DNAH11: variants seen among roughly 807,000 people sequenced by gnomAD.
The protein encoded by DNAH11 is dynein axonemal heavy chain 11.
In DNAH11, 442 loss-of-function variants were observed where a neutral mutation model predicts 526.0. That is an observed-to-expected ratio of 0.84 (90% CI 0.78 to 0.91). The LOEUF is 0.91. DNAH11 is among the 40% of genes least tolerant of loss of function. The pLI is 0.00. For synonymous variants in DNAH11, 2,461 were observed against 1,935.9 expected, an observed-to-expected ratio of 1.27 and a Z score of -7.12; for missense variants, 6,989 against 5,448.7, an observed-to-expected ratio of 1.28 and a Z score of -8.90.
chr7:21,774,043 TA>T, intron 56 of DNAH11, 44 bp downstream of exon 56: 1 of 1,435,124 alleles, frequency 7.0e-7, no homozygotes, highest in Non-Finnish European at 9.3e-7. Context: ...TTATGCTGTT[TA>T]ACAGAAAAAT....
intron 55 of DNAH11, 77 bp from the exon 56 acceptor site, chr7:21,773,689 T>A: frequency 9.8e-7 from 1 of 1,018,142 alleles, no homozygotes; most frequent in Non-Finnish European, 1.3e-6. Flanking sequence ...AAAAAAATGA[T>A]CATTTACTTG....
chr7:21,858,410 A>G lies in DNAH11; in HGVS notation c.11203-3443A>G, dbSNP rs543547227. Reference sequence around the variant, plus strand: ...TAAATAAAAATGTATGCCTGCAAAAAGCTTAACAAATGTTCATAGATGCTT... The same window carrying G: ...TAAATAAAAATGTATGCCTGCAAAAGGCTTAACAAATGTTCATAGATGCTT... On this transcript the variant is annotated intron_variant, in intron 68 of 81. Coordinates refer to ENST00000409508, the MANE Select transcript of DNAH11 (RefSeq NM_001277115.2). 9.2e-5 allele frequency among the ~76,000 whole-genome samples: 14 copies of G among 152,358 alleles called. 1 individual carries two copies. The highest frequency in any genetic ancestry group is 6.8e-3 in the Middle Eastern group (2 of 294).
chr7:21,720,698 C>CT (rs1784841515), intron 43 of DNAH11, 27 bp from the exon 44 acceptor site: 3 of 1,530,284 alleles, frequency 2.0e-6, no homozygotes, highest in Non-Finnish European at 2.6e-6. Context: ...AAAATGTTGC[C>CT]TTATTTGACT....
chr7:21,893,478 G>A (rs1237780017), intron 77 of DNAH11, among the ~76,000 whole-genome samples: 2 of 152,210 alleles, frequency 1.3e-5, no homozygotes, highest in African/African-American at 4.8e-5. Context: ...TAAGATTTCA[G>A]GACCTGATAA....
At chr7:21,701,171 C>T (rs1784041976) in intron 36 of DNAH11, among the ~76,000 whole-genome samples, 1 of 152,084 alleles carries the variant, frequency 6.6e-6, no homozygotes, top group South Asian at 2.1e-4. Context: ...CAGCCTACTC[C>T]ATCAGTGGCT....
chr7:21,811,315 G>A (rs1305357988), intron 63 of DNAH11, among the ~76,000 whole-genome samples: 1 of 151,922 alleles, frequency 6.6e-6, no homozygotes, highest in African/African-American at 2.4e-5. Flanking sequence ...AATTAGCCAG[G>A]CGTGGTGGTG....
At chr7:21,617,951 A>G (rs982233757) in intron 23 of DNAH11, among the ~76,000 whole-genome samples, 174 bp downstream of exon 23, 3 of 152,110 alleles carry the variant, frequency 2.0e-5, no homozygotes, top group Non-Finnish European at 4.4e-5. Flanking sequence ...CCGACCAACA[A>G]TTTAGAAAAA....
Position 21,900,824 on chromosome 7 carries a change from C to T in DNAH11, c.13304-183C>T, listed in dbSNP as rs77729931. The T allele has an allele frequency of 7.2e-3, 6,566 of 914,286 alleles. 256 individuals are homozygous for T. The African/African-American group carries it at 0.089, about 12-fold the overall frequency. The allele number at this position is 914,286 out of a possible 1,614,324, so 56.6% of individuals were successfully genotyped here. ...ACGCATGGAAGCAAAGCGGTGCCTC[C>T]GCTGCAGGCAGGGTAACCTACCTTT... On this transcript the variant is annotated intron_variant, in intron 81 of 81. Coordinates refer to ENST00000409508, the MANE Select transcript of DNAH11 (RefSeq NM_001277115.2).
intron 28 of DNAH11, among the ~76,000 whole-genome samples, chr7:21,654,156 C>T (rs903868437): frequency 6.6e-6 from 1 of 152,110 alleles, no homozygotes; most frequent in African/African-American, 2.4e-5. Context: ...TTTGTACATT[C>T]ACAACCACCT....
chr7:21,859,946 T>G (rs1444464144), intron 68 of DNAH11, among the ~76,000 whole-genome samples: 2 of 152,074 alleles, frequency 1.3e-5, no homozygotes. Context: ...AGTGGACATT[T>G]CTCCAAAGAT....
chr7:21,863,241 G>A (rs979267751), intron 69 of DNAH11, among the ~76,000 whole-genome samples: 1 of 152,152 alleles, frequency 6.6e-6, no homozygotes, highest in African/African-American at 2.4e-5. Flanking sequence ...TTCTGTGTGT[G>A]CCAAAGAAGG....
chr7:21,871,795 T>G (rs938857433), intron 73 of DNAH11, among the ~76,000 whole-genome samples: 1 of 152,058 alleles, frequency 6.6e-6, no homozygotes, highest in Non-Finnish European at 1.5e-5. Context: ...TCCTAATCCC[T>G]TCTTCTCATA....
intron 62 of DNAH11, among the ~76,000 whole-genome samples, chr7:21,805,572 C>A (rs1345032656): frequency 6.6e-6 from 1 of 152,118 alleles, no homozygotes; most frequent in African/African-American, 2.4e-5. Context: ...AAGATTTAAG[C>A]AGTTTGAAGA....
chr7:21,553,855 A>C (rs1317199538), intron 2 of DNAH11, among the ~76,000 whole-genome samples: 1 of 151,746 alleles, frequency 6.6e-6, no homozygotes, highest in Non-Finnish European at 1.5e-5. Context: ...AGACCTTCTG[A>C]GCCTCCCTTA....
chr7:21,786,489 A>G, intron 58 of DNAH11, 135 bp from the exon 59 acceptor site: 1 of 1,189,872 alleles, frequency 8.4e-7, no homozygotes. Flanking sequence ...CCCAGGTGGC[A>G]AAGAATTGCC....
chr7:21,875,877 C>CTTTT lies in DNAH11; in HGVS notation c.12195+2397_12195+2400dup, dbSNP rs35349937. Among the ~76,000 whole-genome samples, 249 of 78,934 alleles carry CTTTT rather than the reference C, an allele frequency of 3.2e-3. 7 individuals carry two copies. Among genetic ancestry groups the CTTTT allele is most frequent in the African/African-American group, 5.7e-3 (109 of 18,960 alleles). 51.8% of individuals were successfully genotyped at this position (78,934 alleles called of 152,430 possible). A position where few individuals can be genotyped will look rare whatever the true frequency, so the allele number is the denominator to read the frequency against. ...TTAGGAACTTCAAGGAAGAATATTTCTTTTTTTTTTTTTTTTTTTTTTTTG... is the reference window on the plus strand; with the variant it reads ...TTAGGAACTTCAAGGAAGAATATTTCTTTTTTTTTTTTTTTTTTTTTTTTTTTTG... On this transcript the variant is annotated intron_variant, in intron 74 of 81. Transcript: ENST00000409508.
chr7:21,834,803 C>G (rs1781930079), intron 65 of DNAH11, among the ~76,000 whole-genome samples: 1 of 152,134 alleles, frequency 6.6e-6, no homozygotes, highest in Non-Finnish European at 1.5e-5. Flanking sequence ...TATGATCACA[C>G]CACTGCATAC....
intron 54 of DNAH11, among the ~76,000 whole-genome samples, chr7:21,760,962 A>T (rs1321454214): frequency 6.6e-6 from 1 of 152,252 alleles, no homozygotes; most frequent in Non-Finnish European, 1.5e-5. Context: ...TTTATTTCTT[A>T]TAAGCCCTTT....
chr7:21,854,520 G>T (rs988337276), intron 68 of DNAH11, 65 bp downstream of exon 68: 1 of 1,455,032 alleles, frequency 6.9e-7, no homozygotes, highest in African/African-American at 1.5e-5. Context: ...TGGAACATTG[G>T]AATTTATTTT....
Sources: gnomAD v4.1 joint callset for allele counts (sites outside exome capture counted in the v4.1 genomes callset) on GRCh38, gnomAD v4.1.1 for gene constraint, MANE v1.5 for transcripts, NCBI Gene and HGNC (gene_info 2026-07-23, HGNC 2026-07-21) for gene names.